LMF1: variants seen among roughly 807,000 people sequenced by gnomAD.
The protein encoded by LMF1 is lipase maturation factor 1, also known as transmembrane protein 112.
In LMF1, 68 loss-of-function variants were observed where a neutral mutation model predicts 60.6. The ratio of observed to expected loss-of-function variants is 1.12; its 90% CI spans 0.92 to 1.37. LMF1 has a LOEUF of 1.37. Among genes scored for constraint, LMF1 ranks in the 40% most tolerant of loss-of-function variants. The probability of loss-of-function intolerance (pLI) is 0.00; values close to 1 mark genes in which losing one functional copy is unlikely to be tolerated. For synonymous variants in LMF1, 418 were observed against 324.7 expected (o/e 1.29, Z -3.09); for missense variants, 948 against 767.2 (o/e 1.24, Z -2.78).
At chr16:923,133 G>A (rs1392434619) in intron 3 of LMF1, among the ~76,000 whole-genome samples, 32 of 151,108 alleles carry the variant, frequency 2.1e-4, no homozygotes, top group Admixed American at 2.6e-4. Flanking sequence ...GTGATGTGGT[G>A]TTGGCGTCGT....
At chr16:889,109 T>C (rs1342321679) in intron 5 of LMF1, among the ~76,000 whole-genome samples, 1 of 152,154 alleles carries the variant, frequency 6.6e-6, no homozygotes, top group Non-Finnish European at 1.5e-5. Context: ...AGAACTGAGT[T>C]AGCTGCAGGG....
Position 871,404 on chromosome 16 carries a change from G to A in LMF1, c.898-63C>T, listed in dbSNP as rs150610820. 9.6e-4 allele frequency: 1,483 copies of A among 1,543,476 alleles called. 14 individuals carry two copies. In the African/African-American group the frequency reaches 0.017, roughly 18 times the overall value. On this transcript the variant is annotated intron_variant, in intron 6 of 10. Coordinates refer to ENST00000262301, the MANE Select transcript of LMF1 (RefSeq NM_022773.4). The stretch of plus-strand genomic sequence containing the variant: ...CGTGTGGGGCCCCTGGGCAGCTGGC[G>A]CCTCTCTTCCTGGAGCAGGGAGGGG...
chr16:868,788 G>GA (rs869161964), intron 10 of LMF1, among the ~76,000 whole-genome samples, 156 bp downstream of exon 10: 81 of 136,334 alleles, frequency 5.9e-4, no homozygotes, highest in African/African-American at 2.1e-3. Flanking sequence ...GGGGGGGGGG[G>GA]CCCTTTTTGC....
intron 7 of LMF1, 25 bp downstream of exon 7, chr16:871,136 A>C: frequency 6.5e-7 from 1 of 1,542,824 alleles, no homozygotes; most frequent in African/African-American, 1.4e-5. Context: ...GCCCTTGGGC[A>C]GGGGCCCCCA....
chr16:964,865 G>A (rs957567153), intron 1 of LMF1, among the ~76,000 whole-genome samples: 4 of 152,228 alleles, frequency 2.6e-5, no homozygotes, highest in Non-Finnish European at 4.4e-5. Flanking sequence ...GCCCCACCTC[G>A]CCGAAGCAGC....
intron 4 of LMF1, among the ~76,000 whole-genome samples, chr16:909,953 G>A (rs551752013): frequency 1.5e-4 from 23 of 152,316 alleles, no homozygotes; most frequent in African/African-American, 4.1e-4. Context: ...CCAACTCTTC[G>A]TACGTCTTCA....
At position 892,992 on chromosome 16, in the gene LMF1, G is replaced by A; in HGVS notation, c.729+15C>T. ...AGACCGGGTGCCCTGCCCTCACGCT[G>A]CACGGCACGCTCACCTCATAGTGGA... On this transcript the variant is annotated intron_variant, in intron 5 of 10. Transcript: ENST00000262301. 4 of 1,542,856 alleles carry A rather than the reference G, an allele frequency of 2.6e-6. No homozygotes were observed. The highest frequency in any genetic ancestry group is 3.5e-6 in the Non-Finnish European group (4 of 1,140,882).
intron 1 of LMF1, chr16:979,396 ACTCCCCAC>A (rs557356883): frequency 1.9e-4 from 63 of 333,956 alleles, no homozygotes; most frequent in South Asian, 1.5e-3. Context: ...CGCCACAGAG[ACTCCCCAC>A]CTCCCCACCC....
intron 4 of LMF1, chr16:893,418 AC>A (rs2070552653): frequency 2.1e-6 from 1 of 466,488 alleles, no homozygotes; most frequent in African/African-American, 2.0e-5. Flanking sequence ...CCCTGCACAG[AC>A]CCCACGGACA....
At chr16:945,718 C>G (rs7187155) in intron 2 of LMF1, among the ~76,000 whole-genome samples, 74,834 of 151,932 alleles carry the variant, frequency 0.49, 20,710 homozygotes, top group African/African-American at 0.75. Context: ...TTGGCAGAAA[C>G]GGTCAGGAAT....
Position 921,374 on chromosome 16 carries a change from C to T in LMF1, c.515-10295G>A, listed in dbSNP as rs111451957. Among the ~76,000 whole-genome samples, 35 of 152,336 alleles carry T rather than the reference C, an allele frequency of 2.3e-4. 1 individual carries two copies. Among genetic ancestry groups the T allele is most frequent in the African/African-American group, 7.0e-4 (29 of 41,592 alleles). ...GTCCAAGACCTCCTGGGTGGGCACA[C>T]GGACCTGCGCTCCCTGCAGAGACGT... On this transcript the variant is annotated intron_variant, in intron 3 of 10. Coordinates refer to ENST00000262301, the MANE Select transcript of LMF1 (RefSeq NM_022773.4).
intron 2 of LMF1, among the ~76,000 whole-genome samples, chr16:935,756 T>C (rs1336237426): frequency 1.3e-5 from 2 of 152,236 alleles, no homozygotes; most frequent in Non-Finnish European, 2.9e-5. Context: ...AATGAAAAGC[T>C]ACAGGGTGTG....
intron 3 of LMF1, chr16:933,179 C>G (rs948207923): frequency 6.6e-6 from 1 of 152,246 alleles, no homozygotes; most frequent in Non-Finnish European, 1.5e-5. Flanking sequence ...AGGTGGCACC[C>G]AGCAGCCAGG....
At chr16:890,026 A>T (rs1391873913) in intron 5 of LMF1, among the ~76,000 whole-genome samples, 1 of 151,942 alleles carries the variant, frequency 6.6e-6, no homozygotes, top group East Asian at 1.9e-4. Flanking sequence ...CCCACCCCAG[A>T]TGTGGTGTCC....
chr16:971,222 G>A (rs947795289), upstream of LMF1, among the ~76,000 whole-genome samples: 2 of 152,222 alleles, frequency 1.3e-5, no homozygotes, highest in African/African-American at 4.8e-5. Flanking sequence ...CGGGTAGGGC[G>A]CGGGGCCGGG....
chr16:872,914 CACCT>C (rs2069844305), intron 6 of LMF1: 1 of 152,262 alleles, frequency 6.6e-6, no homozygotes, highest in Admixed American at 6.5e-5. Context: ...CAGCCCTGAG[CACCT>C]GCCTGCCTGG....
chr16:953,120 C>T (rs1330513469), intron 2 of LMF1, among the ~76,000 whole-genome samples: 1 of 121,252 alleles, frequency 8.2e-6, no homozygotes, highest in Admixed American at 8.0e-5. Flanking sequence ...CCAAACCAGC[C>T]TCCTACATAT....
intron 4 of LMF1, 93 bp downstream of exon 4, chr16:910,838 G>C: frequency 3.3e-6 from 5 of 1,520,948 alleles, no homozygotes; most frequent in Non-Finnish European, 4.5e-6. Flanking sequence ...GGCGGCGGGG[G>C]AGGAAGGAAA....
At chr16:930,846 C>A (rs147780207) in intron 3 of LMF1, among the ~76,000 whole-genome samples, 3 of 152,216 alleles carry the variant, frequency 2.0e-5, no homozygotes, top group South Asian at 2.1e-4. Flanking sequence ...TGGGGCCGGG[C>A]GCAATGGCTC....
Sources: allele counts gnomAD v4.1 joint callset (sites outside exome capture counted in the v4.1 genomes callset), GRCh38; gene constraint gnomAD v4.1.1; transcripts MANE v1.5; gene names NCBI Gene and HGNC (gene_info 2026-07-23, HGNC 2026-07-21).